Variants in KIAA0825 observed in about 807,000 individuals in gnomAD.
KIAA0825 encodes KIAA0825.
In KIAA0825, 119 loss-of-function variants were observed where a neutral mutation model predicts 147.6. The ratio of observed to expected loss-of-function variants is 0.81; its 90% CI spans 0.69 to 0.94. The LOEUF (loss-of-function observed/expected upper bound fraction) is 0.94, where lower values mean the gene tolerates loss of function less well. Among genes scored for constraint, KIAA0825 ranks in the 40% least tolerant of loss-of-function variants. The probability of loss-of-function intolerance (pLI) is 0.00; values close to 1 mark genes in which losing one functional copy is unlikely to be tolerated. For synonymous variants in KIAA0825, 470 were observed against 518.1 expected (o/e 0.91, Z 1.26); for missense variants, 1,381 against 1,472.7 (o/e 0.94, Z 1.02).
At chr5:94,446,706 G>T (rs1179721941) in intron 13 of KIAA0825, among the ~76,000 whole-genome samples, 1 of 152,094 alleles carries the variant, frequency 6.6e-6, no homozygotes, top group African/African-American at 2.4e-5. Flanking sequence ...CTAGTTTTTT[G>T]TACATATTTA....
chr5:94,504,159 C>G (rs1765423766), intron 5 of KIAA0825, among the ~76,000 whole-genome samples: 1 of 152,164 alleles, frequency 6.6e-6, no homozygotes, highest in Non-Finnish European at 1.5e-5. Context: ...CATGTTTTTT[C>G]ATTGTAAGTA....
At chr5:94,403,433 G>T (rs911337598) in intron 16 of KIAA0825, 136 bp downstream of exon 16, 4 of 629,320 alleles carry the variant, frequency 6.4e-6, no homozygotes, top group Admixed American at 2.9e-5. Context: ...TAAAAATAAG[G>T]GTCGCACATC....
At position 94,440,133 on chromosome 5, in the gene KIAA0825, C is replaced by T. The variant is rs1215216230; in HGVS notation, c.2358-12G>A. ...CAGCTGATGGAGTCCTTTCAAAATG[C>T]AAGATAAAGATGGAGTAATGAAGTT... On this transcript the variant is annotated splice_polypyrimidine_tract_variant and intron_variant, in intron 13 of 20. Coordinates refer to ENST00000682413, the MANE Select transcript of KIAA0825 (RefSeq NM_001145678.3). 1 of 1,549,800 alleles carries T rather than the reference C, an allele frequency of 6.5e-7. No individual in the cohort carries two copies. Among genetic ancestry groups the T allele is most frequent in the Non-Finnish European group, 8.7e-7 (1 of 1,146,108 alleles).
At chr5:94,505,832 T>C (rs1002382019) in intron 5 of KIAA0825, among the ~76,000 whole-genome samples, 1 of 152,240 alleles carries the variant, frequency 6.6e-6, no homozygotes, top group Non-Finnish European at 1.5e-5. Context: ...TGCTATAATG[T>C]TGAGTCATTC....
chr5:94,439,929 C>T lies in KIAA0825; in HGVS notation c.2497+53G>A, dbSNP rs1756861992. ...TGCCTAGGAAAAAAATGTTATTCAA[C>T]TCGAGCAATGACTAGGTTTTTCGAG... On this transcript the variant is annotated intron_variant, in intron 14 of 20. Transcript: ENST00000682413. The T allele has an allele frequency of 7.8e-5, 117 of 1,508,730 alleles. 4 individuals carry two copies. The South Asian group carries it at 1.5e-3, about 19-fold the overall frequency. 93.5% of individuals were successfully genotyped at this position (1,508,730 alleles called of 1,614,324 possible).
chr5:94,223,973 A>C (rs1052790720), intron 20 of KIAA0825, among the ~76,000 whole-genome samples: 4 of 151,402 alleles, frequency 2.6e-5, no homozygotes, highest in Non-Finnish European at 1.5e-5. Flanking sequence ...TGTCCAACCT[A>C]TAATTATTTT....
chr5:94,538,548 A>G (rs542944942), intron 2 of KIAA0825, among the ~76,000 whole-genome samples: 114 of 152,290 alleles, frequency 7.5e-4, no homozygotes, highest in Middle Eastern at 3.4e-3. Context: ...ATGAACGGAG[A>G]TCACTAACCT....
intron 1 of KIAA0825, among the ~76,000 whole-genome samples, chr5:94,616,414 C>T (rs1790503975): frequency 6.6e-6 from 1 of 151,712 alleles, no homozygotes; most frequent in East Asian, 1.9e-4. Flanking sequence ...TGTGATAATC[C>T]CCATCTGTTT....
intron 2 of KIAA0825, chr5:94,569,601 T>C: frequency 2.5e-6 from 1 of 393,304 alleles, no homozygotes; most frequent in Non-Finnish European, 4.7e-6. Context: ...TTTATTGATC[T>C]CCCCACTCCA....
chr5:94,229,154 T>C (rs570018483), intron 20 of KIAA0825, among the ~76,000 whole-genome samples: 4 of 152,354 alleles, frequency 2.6e-5, no homozygotes, highest in African/African-American at 9.6e-5. Context: ...CTTTCTTGGT[T>C]TGCTCCATTA....
chr5:94,573,270 G>GTTTTT (rs534638768), intron 2 of KIAA0825, among the ~76,000 whole-genome samples: 6 of 124,918 alleles, frequency 4.8e-5, no homozygotes, highest in African/African-American at 1.2e-4. Context: ...CTTTTTAAGT[G>GTTTTT]TTTTTTTTTT....
chr5:94,154,425 T>C (rs1766840738), intron 20 of KIAA0825, among the ~76,000 whole-genome samples: 1 of 152,238 alleles, frequency 6.6e-6, no homozygotes, highest in African/African-American at 2.4e-5. Context: ...AAAATACACA[T>C]ATAAATAAAA....
intron 2 of KIAA0825, among the ~76,000 whole-genome samples, chr5:94,557,277 A>C (rs1196676876): frequency 3.3e-5 from 5 of 151,832 alleles, no homozygotes; most frequent in Admixed American, 3.3e-4. Flanking sequence ...ATGCCTGGCT[A>C]ATTTTTGTAG....
intron 2 of KIAA0825, among the ~76,000 whole-genome samples, chr5:94,547,867 C>T (rs1434257929): frequency 6.7e-6 from 1 of 150,170 alleles, no homozygotes; most frequent in South Asian, 2.1e-4. Flanking sequence ...ACCTAAGGTA[C>T]TGAAGGAAAA....
chr5:94,566,458 C>T (rs1778731696), intron 2 of KIAA0825, among the ~76,000 whole-genome samples: 1 of 152,014 alleles, frequency 6.6e-6, no homozygotes, highest in South Asian at 2.1e-4. Context: ...CATTGAAACA[C>T]TATTTTTAAA....
intron 20 of KIAA0825, among the ~76,000 whole-genome samples, chr5:94,345,104 G>A (rs1194547209): frequency 6.6e-6 from 1 of 152,054 alleles, no homozygotes; most frequent in Non-Finnish European, 1.5e-5. Flanking sequence ...GGACTATAAT[G>A]TTAGAAGTAA....
intron 20 of KIAA0825, among the ~76,000 whole-genome samples, chr5:94,224,493 C>T (rs1773982874): frequency 6.6e-6 from 1 of 152,024 alleles, no homozygotes; most frequent in Non-Finnish European, 1.5e-5. Context: ...TTTTTACTTT[C>T]TTTAAATAGC....
At chr5:94,224,315 C>T (rs557607782) in intron 20 of KIAA0825, among the ~76,000 whole-genome samples, 6 of 151,626 alleles carry the variant, frequency 4.0e-5, no homozygotes, top group African/African-American at 1.2e-4. Flanking sequence ...AGGCTGGTCT[C>T]GAACTCCTGA....
At chr5:94,593,361 C>A in intron 1 of KIAA0825, 1 of 1,020,570 alleles carries the variant, frequency 9.8e-7, no homozygotes, top group South Asian at 1.3e-5. Context: ...TCTTGATGGT[C>A]AACATATCTT....
Sources: gnomAD v4.1 joint callset for allele counts (sites outside exome capture counted in the v4.1 genomes callset) on GRCh38, gnomAD v4.1.1 for gene constraint, MANE v1.5 for transcripts, NCBI Gene and HGNC (gene_info 2026-07-23, HGNC 2026-07-21) for gene names.